Variants in MCCC1 observed in about 807,000 individuals in gnomAD.
MCCC1 encodes the protein methylcrotonoyl-CoA carboxylase subunit alpha, mitochondrial.
In MCCC1, 64 loss-of-function variants were observed where a neutral mutation model predicts 83.8. The ratio of observed to expected loss-of-function variants is 0.76; its 90% CI spans 0.62 to 0.94. MCCC1 has a LOEUF of 0.94. MCCC1 is among the 40% of genes least tolerant of loss of function. The pLI, the probability that MCCC1 is intolerant of heterozygous loss-of-function variation, is 0.00. For missense variants in MCCC1, 807 were observed against 904.7 expected (o/e 0.89, Z 1.39); for synonymous variants, 322 against 315.4 (o/e 1.02, Z -0.22).
At position 183,017,137 on chromosome 3, in the gene MCCC1, C is replaced by A. The variant is rs1577229623; in HGVS notation, c.2049+129G>T. ...AAGGATAGTTTGGTTTTGTTTCCTA[C>A]AATTAATGCTTCGTCAATCATGGCT... On this transcript the variant is annotated intron_variant, in intron 18 of 18. Transcript: ENST00000265594. The A allele has an allele frequency of 4.5e-6, 4 of 881,516 alleles. No homozygotes were observed. The Admixed American group carries it at 5.4e-5, about 12-fold the overall frequency. The allele number at this position is 881,516 out of a possible 1,614,324, so 54.6% of individuals were successfully genotyped here.
In MCCC1 at chr3:183,022,701, G is replaced by T. The variant is rs138895682; in HGVS notation, c.1732-147C>A. 2.7e-4 allele frequency: 195 copies of T among 725,998 alleles called. 1 individual carries two copies. In the African/African-American group the frequency reaches 3.2e-3, roughly 12 times the overall value. The allele number at this position is 725,998 out of a possible 1,614,324, so 45.0% of individuals were successfully genotyped here. On this transcript the variant is annotated intron_variant, in intron 15 of 18. Transcript: ENST00000265594. Reference sequence around the variant, plus strand: ...AACATATATTTTTTAAAAAGTCATGGAACTTTTCCCCTATTCCTAACCAAG... The same window carrying T: ...AACATATATTTTTTAAAAAGTCATGTAACTTTTCCCCTATTCCTAACCAAG...
Position 183,024,878 on chromosome 3 carries a change from T to C in MCCC1, c.1731+877A>G, listed in dbSNP as rs1211817470. Among the ~76,000 whole-genome samples the C allele has an allele frequency of 4.0e-5, 6 of 150,680 alleles. No individual in the cohort carries two copies. The Admixed American group carries it at 4.0e-4, about 10-fold the overall frequency. On this transcript the variant is annotated intron_variant, in intron 15 of 18. Transcript: ENST00000265594. The stretch of plus-strand genomic sequence containing the variant: ...AGCATTATTCACAATAGCCAAAAGC[T>C]AGAAACAACCCGAATGTTCATTAAT...
At chr3:183,102,780 T>G (rs1205294674), upstream of MCCC1, among the ~76,000 whole-genome samples, 76 of 111,566 alleles carry the variant, frequency 6.8e-4, 1 homozygote, top group African/African-American at 2.3e-3. Flanking sequence ...TTTTTTTTTT[T>G]TTTTTTTTTT....
chr3:183,095,511 C>T (rs560714019), intron 1 of MCCC1, among the ~76,000 whole-genome samples: 2 of 152,304 alleles, frequency 1.3e-5, no homozygotes, highest in African/African-American at 4.8e-5. Flanking sequence ...CGAGTCCCTC[C>T]AATGACCAGC....
chr3:183,101,321 C>A (rs912287913), upstream of MCCC1, among the ~76,000 whole-genome samples: 1 of 152,264 alleles, frequency 6.6e-6, no homozygotes, highest in Non-Finnish European at 1.5e-5. Flanking sequence ...GCTCCACCTG[C>A]AGCCCCGGTG....
Position 183,015,382 on chromosome 3 carries a change from C to T in MCCC1, c.*56G>A. On this transcript the variant is annotated 3_prime_UTR_variant, in exon 19 of 19. Coordinates refer to ENST00000265594, the MANE Select transcript of MCCC1 (RefSeq NM_020166.5). ...ACCCCCAGAAAAGCTGGAGGCACTT[C>T]CTCTTTTTGGTGGAGAGAGAAGACA... is the stretch of plus-strand genomic sequence containing the variant. 6.2e-7 allele frequency: 1 copy of T among 1,605,944 alleles called. No homozygotes were observed.
chr3:183,087,021 C>G (rs1400584725), intron 3 of MCCC1, among the ~76,000 whole-genome samples: 1 of 152,144 alleles, frequency 6.6e-6, no homozygotes, highest in Non-Finnish European at 1.5e-5. Flanking sequence ...ATGCATAAGC[C>G]ACACACTGGT....
intron 1 of MCCC1, among the ~76,000 whole-genome samples, chr3:183,097,620 C>A (rs946742834): frequency 6.6e-6 from 1 of 152,052 alleles, no homozygotes; most frequent in African/African-American, 2.4e-5. Context: ...GTCTTGAACT[C>A]TTGAACTCAA....
intron 5 of MCCC1, among the ~76,000 whole-genome samples, 155 bp from the exon 6 acceptor site, chr3:183,071,512 ATTAG>A (rs1039808521): frequency 1.3e-5 from 2 of 152,246 alleles, no homozygotes; most frequent in African/African-American, 2.4e-5. Flanking sequence ...TAATATGTCT[ATTAG>A]TTAGTTTCCC....
intron 3 of MCCC1, among the ~76,000 whole-genome samples, chr3:183,091,841 A>C (rs1231984195): frequency 1.3e-5 from 2 of 152,132 alleles, no homozygotes; most frequent in African/African-American, 4.8e-5. Flanking sequence ...GATTGAGACC[A>C]TCCTGGCTAA....
At chr3:183,092,940 T>C (rs572651852) in intron 2 of MCCC1, among the ~76,000 whole-genome samples, 1 of 152,150 alleles carries the variant, frequency 6.6e-6, no homozygotes. Flanking sequence ...GTCCCCCAGG[T>C]TGGAGTGCAA....
intron 4 of MCCC1, among the ~76,000 whole-genome samples, chr3:183,080,441 C>T (rs1717405487): frequency 6.6e-6 from 1 of 152,192 alleles, no homozygotes; most frequent in Admixed American, 6.5e-5. Flanking sequence ...CACCTTTGCT[C>T]CAGTTCCCAA....
chr3:183,024,994 T>C (rs1326591185), intron 15 of MCCC1, among the ~76,000 whole-genome samples: 2 of 151,238 alleles, frequency 1.3e-5, no homozygotes, highest in South Asian at 2.1e-4. Context: ...TCACATATGC[T>C]ACACCATGGA....
chr3:183,098,031 C>G (rs1056837385), intron 1 of MCCC1, among the ~76,000 whole-genome samples: 2 of 152,244 alleles, frequency 1.3e-5, no homozygotes, highest in Admixed American at 1.3e-4. Context: ...TCTCCTGCCT[C>G]AGCCTCCCGA....
At chr3:183,020,088 TAA>T in intron 17 of MCCC1, 40 bp downstream of exon 17, 1 of 1,488,900 alleles carries the variant, frequency 6.7e-7, no homozygotes, top group East Asian at 2.3e-5. Context: ...AGCCACGTAT[TAA>T]AACTTACTGA....
chr3:183,082,654 C>A (rs1717595147), intron 4 of MCCC1, among the ~76,000 whole-genome samples: 1 of 152,164 alleles, frequency 6.6e-6, no homozygotes, highest in African/African-American at 2.4e-5. Flanking sequence ...TCTTTCCCAA[C>A]CAGAGAAGAC....
intron 3 of MCCC1, among the ~76,000 whole-genome samples, chr3:183,091,834 T>G (rs144923427): frequency 4.6e-5 from 7 of 152,102 alleles, no homozygotes; most frequent in African/African-American, 9.6e-5. Context: ...GTCAGCAGAT[T>G]GAGACCATCC....
At chr3:183,026,150 C>A (rs190464835) in intron 14 of MCCC1, among the ~76,000 whole-genome samples, 2 of 152,080 alleles carry the variant, frequency 1.3e-5, no homozygotes, top group Non-Finnish European at 2.9e-5. Flanking sequence ...TCAGGTGATC[C>A]CCTCACCTCA....
Position 183,022,468 on chromosome 3 carries a change from A to T in MCCC1, c.1818T>A (p.Ala606=). ...CCAGGATAATCAGCTTCGCTTTACT[A>T]GCAACTCCATTAACAGAACATTTCA... ...TYLKCSVNGV[A]SKAKLIILEN... The change falls in exon 16 of 19, where the codon GCT becomes GCA. Residue 606 remains alanine, a synonymous_variant. Transcript: ENST00000265594. 6.2e-7 allele frequency: 1 copy of T among 1,614,130 alleles called. No homozygotes were observed. Among genetic ancestry groups the T allele is most frequent in the South Asian group, 1.1e-5 (1 of 91,082 alleles).
Sources: gnomAD v4.1 joint callset for allele counts (sites outside exome capture counted in the v4.1 genomes callset) on GRCh38, gnomAD v4.1.1 for gene constraint, MANE v1.5 for transcripts, NCBI Gene and HGNC (gene_info 2026-07-23, HGNC 2026-07-21) for gene names.